ZNF423: variants seen among roughly 807,000 people sequenced by gnomAD.
The protein encoded by ZNF423 is Ebf-associated zinc finger protein.
Under a neutral mutation model 95.8 loss-of-function variants are expected in ZNF423, and 12 were observed. The ratio of observed to expected loss-of-function variants is 0.13; its 90% CI spans 0.08 to 0.20. The LOEUF is 0.20. Ranked by LOEUF, ZNF423 falls within the 10% of genes least tolerant of loss-of-function variation. The pLI is 1.00. For missense variants in ZNF423, 1,316 were observed against 1,737.1 expected, an observed-to-expected ratio of 0.76 and a Z score of 4.31; for synonymous variants, 749 against 711.9, an observed-to-expected ratio of 1.05 and a Z score of -0.83.
intron 3 of ZNF423, among the ~76,000 whole-genome samples, chr16:49,655,692 C>G (rs546457906): frequency 6.6e-6 from 1 of 152,276 alleles, no homozygotes; most frequent in East Asian, 1.9e-4. Flanking sequence ...TTGCCATGTC[C>G]TCTGTGTGAA....
At chr16:49,726,759 A>G (rs938036465) in intron 3 of ZNF423, among the ~76,000 whole-genome samples, 1 of 150,994 alleles carries the variant, frequency 6.6e-6, no homozygotes, top group African/African-American at 2.4e-5. Flanking sequence ...CAGACATCTT[A>G]GTCTAAATTT....
At chr16:49,819,678 A>AC (rs1298023129) in intron 1 of ZNF423, among the ~76,000 whole-genome samples, 4 of 152,150 alleles carry the variant, frequency 2.6e-5, no homozygotes, top group African/African-American at 4.8e-5. Context: ...CAAACTCCTG[A>AC]CCTCAGGTGA....
chr16:49,535,962 C>T (rs1354879943), intron 5 of ZNF423, among the ~76,000 whole-genome samples: 1 of 152,084 alleles, frequency 6.6e-6, no homozygotes, highest in Non-Finnish European at 1.5e-5. Flanking sequence ...TTATTGTCAC[C>T]GACCCTGCCA....
chr16:49,535,343 G>A (rs912990351), intron 5 of ZNF423, among the ~76,000 whole-genome samples: 3 of 152,152 alleles, frequency 2.0e-5, no homozygotes, highest in African/African-American at 4.8e-5. Context: ...TGACGCTGGC[G>A]GACACATCCA....
intron 5 of ZNF423, among the ~76,000 whole-genome samples, chr16:49,565,980 A>G (rs1970175092): frequency 2.0e-5 from 3 of 152,072 alleles, no homozygotes; most frequent in Non-Finnish European, 4.4e-5. Context: ...AGAAAGCACC[A>G]TCTATCCATC....
chr16:49,523,514 G>T, intron 7 of ZNF423, 110 bp downstream of exon 7: 1 of 879,010 alleles, frequency 1.1e-6, no homozygotes, highest in Non-Finnish European at 1.8e-6. Context: ...CCTGATTGCA[G>T]ACCTGCCAGC....
chr16:49,534,258 T>G (rs117363262), intron 5 of ZNF423, among the ~76,000 whole-genome samples: 86,422 of 151,114 alleles, frequency 0.57, 24,989 homozygotes, highest in African/African-American at 0.64. Flanking sequence ...GTTTTTTTTT[T>G]TTTGTTTGCT....
chr16:49,498,713 G>C (rs1010521247), intron 7 of ZNF423, among the ~76,000 whole-genome samples: 2 of 152,132 alleles, frequency 1.3e-5, no homozygotes, highest in African/African-American at 4.8e-5. Flanking sequence ...TTCCCTTTGG[G>C]AAGGGTATAG....
intron 2 of ZNF423, among the ~76,000 whole-genome samples, chr16:49,739,695 G>GT (rs1567321248): frequency 3.0e-5 from 4 of 132,732 alleles, no homozygotes; most frequent in Non-Finnish European, 4.8e-5. Context: ...GTTTTTGTTT[G>GT]GTTTTTTTTT....
chr16:49,799,358 G>GC (rs2034546636), intron 1 of ZNF423, among the ~76,000 whole-genome samples: 1 of 152,194 alleles, frequency 6.6e-6, no homozygotes, highest in Admixed American at 6.5e-5. Context: ...TCCCTGGAAA[G>GC]ACAGGAGAGC....
In ZNF423 at chr16:49,638,662, G is replaced by C. The variant is rs1247263280; in HGVS notation, c.514C>G (p.Leu172Val). The change falls in exon 4 of 8, where the codon CTG becomes GTG. Residue 172 changes from leucine to valine, a missense_variant. Physicochemically the swap from Leu to Val is conservative, Grantham distance 32. Coordinates refer to ENST00000563137, the MANE Select transcript of ZNF423 (RefSeq NM_001379286.1). The surrounding 1 kb of genome is among the most constrained non-coding windows in gnomAD (Gnocchi z 5.6). ...KRHEQIHSDK[L>V]PFKCTYCSRL... ...CTGCAGTAGGTGCACTTGAACGGCAGCTTGTCGCTGTGGATCTGCTCGTGC... is the reference window on the plus strand; with the variant it reads ...CTGCAGTAGGTGCACTTGAACGGCACCTTGTCGCTGTGGATCTGCTCGTGC... 2 of 1,613,994 alleles carry C rather than the reference G, an allele frequency of 1.2e-6. No individual in the cohort carries two copies. The highest frequency in any genetic ancestry group is 2.7e-5 in the African/African-American group (2 of 74,924).
chr16:49,731,964 C>T (rs1043864492), intron 2 of ZNF423, among the ~76,000 whole-genome samples: 3 of 152,164 alleles, frequency 2.0e-5, no homozygotes, highest in East Asian at 1.9e-4. Flanking sequence ...AAAGTGAATT[C>T]GTAATCATAA....
chr16:49,525,517 G>A (rs771686317), intron 5 of ZNF423, 23 bp from the exon 6 acceptor site: 2 of 1,613,462 alleles, frequency 1.2e-6, no homozygotes, highest in South Asian at 1.1e-5. Context: ...CCCGTGACCA[G>A]TCAGTGACCA....
In ZNF423 at chr16:49,677,709, A is replaced by G. The variant is rs539070288; in HGVS notation, c.302-38835T>C. Among the ~76,000 whole-genome samples, 8 of 150,588 alleles carry G rather than the reference A, an allele frequency of 5.3e-5. No homozygotes were observed. The East Asian group carries it at 1.4e-3, about 26-fold the overall frequency. ...GTAAAGGCTGCAGTGAGCCATGATC[A>G]CACCACTGCCCTCCGGCCTGGATAA... is the stretch of plus-strand genomic sequence containing the variant. On this transcript the variant is annotated intron_variant, in intron 3 of 7. Coordinates refer to ENST00000563137, the MANE Select transcript of ZNF423 (RefSeq NM_001379286.1).
At chr16:49,761,966 T>C (rs7405208) in intron 2 of ZNF423, among the ~76,000 whole-genome samples, 108,957 of 151,926 alleles carry the variant, frequency 0.72, 40,164 homozygotes, top group African/African-American at 0.89. Flanking sequence ...TACAGGAGCA[T>C]GGCCAGTTAA....
rs890971064 is a variant in ZNF423, at chr16:49,636,291, C to G, written c.2885G>C (p.Gly962Ala). 1.2e-6 allele frequency: 2 copies of G among 1,612,592 alleles called. No individual in the cohort carries two copies. Among genetic ancestry groups the G allele is most frequent in the African/African-American group, 2.7e-5 (2 of 74,920 alleles). ...GGGACACATGTAGTGCTTGGCAGGG[C>G]CCCGGTGCGTCTGCAGGTGCTCCCG... ...GLREHLQTHR[G>A]PAKHYMCPIC... Residue 962 changes from glycine (G) to alanine (A), a missense_variant, in exon 4 of 8, where the codon GGC (glycine) becomes GCC (alanine). By Grantham distance (60) the Gly-to-Ala change is moderately conservative. Transcript: ENST00000563137. This position sits in a 1 kb window ranked among gnomAD's most constrained non-coding sequence, Gnocchi z 8.6.
At chr16:49,616,465 C>T (rs1463317205) in intron 5 of ZNF423, among the ~76,000 whole-genome samples, 1 of 151,898 alleles carries the variant, frequency 6.6e-6, no homozygotes, top group African/African-American at 2.4e-5. Flanking sequence ...TTTAAAATAA[C>T]TAAAAGAGTA....
intron 3 of ZNF423, among the ~76,000 whole-genome samples, chr16:49,683,949 T>C (rs1346456838): frequency 6.6e-6 from 1 of 152,170 alleles, no homozygotes; most frequent in East Asian, 1.9e-4. Flanking sequence ...CGTGCACCTG[T>C]AGTCCCAGCT....
chr16:49,754,832 A>G (rs1023981718), intron 2 of ZNF423, among the ~76,000 whole-genome samples: 3 of 152,212 alleles, frequency 2.0e-5, no homozygotes, highest in Non-Finnish European at 4.4e-5. Flanking sequence ...TTGTGTACAG[A>G]GTGCCAGGCA....
Sources: gnomAD v4.1 joint callset for allele counts (sites outside exome capture counted in the v4.1 genomes callset) on GRCh38, gnomAD v4.1.1 for gene constraint, Gnocchi (gnomAD v3.1) non-coding constraint, MANE v1.5 for transcripts, NCBI Gene and HGNC (gene_info 2026-07-23, HGNC 2026-07-21) for gene names.